Variants in ERI1 observed in about 807,000 individuals in gnomAD.
The protein encoded by ERI1 is 3'-5' exoribonuclease 1.
Under a neutral mutation model 39.7 loss-of-function variants are expected in ERI1, and 39 were observed. That is an observed-to-expected ratio of 0.98 (90% CI 0.76 to 1.28). The LOEUF (loss-of-function observed/expected upper bound fraction) is 1.28, where lower values mean the gene tolerates loss of function less well. Ranked by LOEUF, ERI1 falls within the 50% of genes most tolerant of loss-of-function variation. The probability of loss-of-function intolerance (pLI) is 0.00; values close to 1 mark genes in which losing one functional copy is unlikely to be tolerated. For missense variants in ERI1, 581 were observed against 416.9 expected (o/e 1.39, Z -3.43); for synonymous variants, 204 against 149.6 (o/e 1.36, Z -2.65).
Position 9,003,158 on chromosome 8 carries a change from G to C in ERI1, c.95G>C (p.Arg32Pro), listed in dbSNP as rs1223338388. ...PRPEGGEEPP[R>P]PSPEETQQCK... ...CCGGAGGGCGGGGAGGAGCCGCCGC[G>C]TCCCAGTCCCGAGGTGAGGAGTCGA... Residue 32 changes from arginine (R) to proline (P), a missense_variant, in exon 1 of 7, where the codon CGT becomes CCT. Arg to Pro is a moderately radical substitution (Grantham distance 103). Transcript: ENST00000250263. The C allele has an allele frequency of 8.0e-6, 10 of 1,243,048 alleles. No individual in the cohort carries two copies. The East Asian group carries it at 3.1e-4, about 39-fold the overall frequency. 77.0% of individuals were successfully genotyped at this position (1,243,048 alleles called of 1,614,324 possible).
intron 3 of ERI1, among the ~76,000 whole-genome samples, chr8:9,060,112 T>A (rs1456666410): frequency 6.6e-6 from 1 of 152,116 alleles, no homozygotes; most frequent in Non-Finnish European, 1.5e-5. Context: ...CTACCTTTCC[T>A]GAATATTGAG....
chr8:9,088,267 T>TA (rs768858551), intron 3 of ERI1, among the ~76,000 whole-genome samples: 1,671 of 142,004 alleles, frequency 0.012, 8 homozygotes, highest in South Asian at 0.023. Flanking sequence ...CTCTGTAAAT[T>TA]AAAAAAAAAA....
intron 3 of ERI1, among the ~76,000 whole-genome samples, chr8:9,076,233 T>A (rs964598118): frequency 6.6e-6 from 1 of 152,108 alleles, no homozygotes; most frequent in African/African-American, 2.4e-5. Context: ...TGTGAGCCAC[T>A]GTGCCCAGCC....
chr8:9,085,199 G>T (rs1456400316), intron 3 of ERI1, among the ~76,000 whole-genome samples: 1 of 152,024 alleles, frequency 6.6e-6, no homozygotes, highest in East Asian at 1.9e-4. Flanking sequence ...TTCTGTTTTT[G>T]TTTGTTTGTT....
At chr8:9,016,190 C>T (rs1282194853) in intron 3 of ERI1, 132 bp from the exon 4 acceptor site, 5 of 451,688 alleles carry the variant, frequency 1.1e-5, no homozygotes, top group Admixed American at 3.4e-5. Context: ...GGGAATTATT[C>T]TTAAAAACTG....
intron 3 of ERI1, among the ~76,000 whole-genome samples, chr8:9,092,306 T>G (rs889211738): frequency 1.3e-5 from 2 of 152,178 alleles, no homozygotes; most frequent in South Asian, 2.1e-4. Context: ...GGATCTTAAG[T>G]GTGAAGACCC....
chr8:9,048,672 T>G (rs1436787474), intron 3 of ERI1, among the ~76,000 whole-genome samples: 1 of 152,174 alleles, frequency 6.6e-6, no homozygotes, highest in East Asian at 1.9e-4. Context: ...TGAGACAGGA[T>G]CTTGCTCCGT....
Position 9,008,385 on chromosome 8 carries a change from A to G in ERI1, c.287+237A>G, listed in dbSNP as rs79675216. ...TATTTTAATGACCTACCGGCAATGT[A>G]TAGGAGTCTCTGTCTTATTATGACA... On this transcript the variant is annotated intron_variant, in intron 2 of 6. Coordinates refer to ENST00000250263, the MANE Select transcript of ERI1 (RefSeq NM_153332.4). 5.4e-3 allele frequency among the ~76,000 whole-genome samples: 816 copies of G among 152,338 alleles called. 11 individuals are homozygous for G. The highest frequency in any genetic ancestry group is 0.018 in the African/African-American group (756 of 41,580).
At chr8:9,090,609 G>C (rs1268935041) in intron 3 of ERI1, among the ~76,000 whole-genome samples, 1 of 152,178 alleles carries the variant, frequency 6.6e-6, no homozygotes, top group African/African-American at 2.4e-5. Flanking sequence ...ACGGTTAAAA[G>C]TTTAAATAGG....
At chr8:9,088,597 C>A (rs1563098515) in intron 3 of ERI1, 1 of 152,152 alleles carries the variant, frequency 6.6e-6, no homozygotes, top group Non-Finnish European at 1.5e-5. Flanking sequence ...TGTTGCCCAT[C>A]CACCCATTTA....
rs114617602 is a variant in ERI1, at chr8:9,052,414, C to T, written n.299+31950C>T. ...CAAACTCCACTAGTTTGAGAACAGT[C>T]ACCTCCTATTCTGGTGCTGATTGGT... On this transcript the variant is annotated intron_variant and non_coding_transcript_variant, in intron 3 of 3. Transcript: ENST00000518663. Among the ~76,000 whole-genome samples the T allele has an allele frequency of 2.8e-3, 422 of 152,244 alleles. 1 individual carries two copies. Among genetic ancestry groups the T allele is most frequent in the African/African-American group, 9.6e-3 (400 of 41,548 alleles).
chr8:9,066,928 C>T (rs1798897913), intron 3 of ERI1, among the ~76,000 whole-genome samples: 1 of 152,076 alleles, frequency 6.6e-6, no homozygotes, highest in Admixed American at 6.5e-5. Flanking sequence ...CGAACGGTGA[C>T]AGTCGTTCCA....
intron 3 of ERI1, chr8:9,099,794 T>C (rs1309754396): frequency 6.6e-6 from 1 of 152,212 alleles, no homozygotes; most frequent in African/African-American, 2.4e-5. Context: ...TTATTACGAA[T>C]AATGCCGCAG....
chr8:9,053,364 A>G (rs1798415912), intron 3 of ERI1, among the ~76,000 whole-genome samples: 1 of 152,126 alleles, frequency 6.6e-6, no homozygotes, highest in African/African-American at 2.4e-5. Flanking sequence ...ACACCTCAAT[A>G]AAAACTCTTG....
intron 3 of ERI1, chr8:9,096,741 AGACGG>A (rs1678213664): frequency 1.4e-5 from 1 of 69,822 alleles, no homozygotes; most frequent in Admixed American, 2.3e-4. Context: ...TTTTCTTTTC[AGACGG>A]GATCTCACTC....
chr8:9,050,198 C>T (rs547056375), intron 3 of ERI1, among the ~76,000 whole-genome samples: 32 of 151,728 alleles, frequency 2.1e-4, no homozygotes, highest in South Asian at 4.2e-4. Flanking sequence ...TAGCTATTTT[C>T]GCCTTACTAT....
chr8:9,087,799 AGG>A (rs1799578599), intron 3 of ERI1, among the ~76,000 whole-genome samples: 2 of 152,132 alleles, frequency 1.3e-5, no homozygotes, highest in African/African-American at 2.4e-5. Context: ...TTTCACAGAG[AGG>A]GAAAGGGGCA....
Position 9,007,995 on chromosome 8 carries a change from G to A in ERI1, c.134G>A (p.Gly45Asp). 1.3e-6 allele frequency: 2 copies of A among 1,558,108 alleles called. No homozygotes were observed. The highest frequency in any genetic ancestry group is 1.7e-6 in the Non-Finnish European group (2 of 1,159,722). The change falls in exon 2 of 7, where the codon GGC becomes GAC. Residue 45 changes from glycine to aspartate, a missense_variant. Gly to Asp is a moderately conservative substitution (Grantham distance 94). Coordinates refer to ENST00000250263, the MANE Select transcript of ERI1 (RefSeq NM_153332.4). ...PEETQQCKFD[G>D]QETKGSKFIT... Reference sequence around the variant, plus strand: ...GAAACTCAACAGTGTAAATTTGATGGCCAGGAGACAAAAGGATCCAAGTTC... The same window carrying A: ...GAAACTCAACAGTGTAAATTTGATGACCAGGAGACAAAAGGATCCAAGTTC...
intron 4 of ERI1, among the ~76,000 whole-genome samples, chr8:9,017,962 T>C (rs1817480293): frequency 6.6e-6 from 1 of 152,196 alleles, no homozygotes; most frequent in Non-Finnish European, 1.5e-5. Context: ...AGCTGTGGCT[T>C]TCAGCTTAGA....
Sources: gnomAD v4.1 joint callset for allele counts (sites outside exome capture counted in the v4.1 genomes callset) on GRCh38, gnomAD v4.1.1 for gene constraint, MANE v1.5 for transcripts, NCBI Gene and HGNC (gene_info 2026-07-23, HGNC 2026-07-21) for gene names.